The following ENTREP1 variants were observed in gnomAD, a reference collection of about 807,000 sequenced individuals.
The protein encoded by ENTREP1 is endosomal transmembrane epsin interactor 1, also known as Friedreich ataxia region gene X123.
chr9:69,325,321 C>T, the ENTREP1 span: 3 of 1,169,894 alleles, frequency 2.6e-6, no homozygotes, highest in Non-Finnish European at 3.2e-6. Flanking sequence ...TGTCCCTGCC[C>T]GTGGTGCTCC....
At chr9:69,377,657 T>C in the ENTREP1 span, 14 of 1,613,974 alleles carry the variant, frequency 8.7e-6, no homozygotes, top group South Asian at 1.5e-4. Flanking sequence ...CATGGACGCA[T>C]CCCCGACCCT....
chr9:69,331,283 T>A, the ENTREP1 span, among the ~76,000 whole-genome samples: 1 of 152,228 alleles, frequency 6.6e-6, no homozygotes, highest in African/African-American at 2.4e-5. Context: ...TTTGCCCTAA[T>A]ACAAGTTAAT....
the ENTREP1 span, chr9:69,383,617 T>A: frequency 6.2e-7 from 1 of 1,613,894 alleles, no homozygotes; most frequent in Non-Finnish European, 8.5e-7. Context: ...TGACGCCAAG[T>A]CGCTTTTCCT....
chr9:69,377,593 G>A, the ENTREP1 span: 7 of 1,613,176 alleles, frequency 4.3e-6, no homozygotes, highest in Non-Finnish European at 5.9e-6. Context: ...TTGACTAACT[G>A]AGCTGCTGTT....
At chr9:69,386,218 T>G in the ENTREP1 span, 1 of 273,052 alleles carries the variant, frequency 3.7e-6, no homozygotes, top group African/African-American at 2.2e-5. Context: ...TGCTAGGTAC[T>G]ACATGAAGAC....
chr9:69,387,828 C>A, the ENTREP1 span: 1 of 1,170,036 alleles, frequency 8.5e-7, no homozygotes, highest in Non-Finnish European at 1.1e-6. Context: ...TTGGCCCATC[C>A]ATCCCCATCT....
At chr9:69,365,896 A>T in the ENTREP1 span, among the ~76,000 whole-genome samples, 2 of 152,142 alleles carry the variant, frequency 1.3e-5, no homozygotes, top group African/African-American at 4.8e-5. Flanking sequence ...TTCAATGTGT[A>T]TATATACCAT....
At chr9:69,332,117 C>T in the ENTREP1 span, among the ~76,000 whole-genome samples, 11 of 152,326 alleles carry the variant, frequency 7.2e-5, no homozygotes, top group African/African-American at 2.4e-4. Context: ...GTTCCCATTA[C>T]CATTCGAGAG....
the ENTREP1 span, chr9:69,385,825 A>G: frequency 1.3e-5 from 21 of 1,597,110 alleles, no homozygotes; most frequent in South Asian, 2.0e-4. Context: ...CCTGCCGAAG[A>G]AAATGCATCC....
At chr9:69,327,988 A>T in the ENTREP1 span, among the ~76,000 whole-genome samples, 1 of 152,310 alleles carries the variant, frequency 6.6e-6, no homozygotes, top group Non-Finnish European at 1.5e-5. Flanking sequence ...GCTTTAGGGG[A>T]AAAAAGCCTT....
the ENTREP1 span, among the ~76,000 whole-genome samples, chr9:69,353,358 C>G: frequency 6.6e-6 from 1 of 152,202 alleles, no homozygotes; most frequent in African/African-American, 2.4e-5. Flanking sequence ...ACAATTAACT[C>G]TGATGTGCCC....
chr9:69,351,865 C>T, the ENTREP1 span, among the ~76,000 whole-genome samples: 1 of 152,050 alleles, frequency 6.6e-6, no homozygotes, highest in East Asian at 1.9e-4. Flanking sequence ...AATGTATTTT[C>T]TTAATTTTTA....
the ENTREP1 span, chr9:69,383,211 A>T: frequency 1.4e-6 from 1 of 729,130 alleles, no homozygotes; most frequent in Non-Finnish European, 1.7e-6. Context: ...TATATGATTC[A>T]GTAGCATTTA....
the ENTREP1 span, among the ~76,000 whole-genome samples, chr9:69,350,643 T>C: frequency 6.6e-6 from 1 of 152,236 alleles, no homozygotes; most frequent in Non-Finnish European, 1.5e-5. Flanking sequence ...TCTCAAGTAA[T>C]AATTTTCAGA....
At chr9:69,387,805 A>G in the ENTREP1 span, 1 of 979,398 alleles carries the variant, frequency 1.0e-6, no homozygotes, top group Non-Finnish European at 1.4e-6. Context: ...TTGGTCAGCC[A>G]CATTTTTCCT....
the ENTREP1 span, chr9:69,388,279 A>AGATT: frequency 6.2e-7 from 1 of 1,614,180 alleles, no homozygotes; most frequent in Non-Finnish European, 8.5e-7. Context: ...GGTCTTTGAT[A>AGATT]GATTACAAAT....
chr9:69,358,133 G>A, the ENTREP1 span, among the ~76,000 whole-genome samples: 119 of 152,224 alleles, frequency 7.8e-4, no homozygotes, highest in African/African-American at 2.7e-3. Flanking sequence ...GAATTCTAAG[G>A]AACAGGTATT....
At chr9:69,391,504 A>G in the ENTREP1 span, 8 of 968,946 alleles carry the variant, frequency 8.3e-6, no homozygotes, top group East Asian at 1.7e-4. Context: ...CAAAGCAATT[A>G]CACATTAAGA....
the ENTREP1 span, among the ~76,000 whole-genome samples, chr9:69,327,259 C>T: frequency 5.3e-5 from 8 of 152,122 alleles, no homozygotes; most frequent in South Asian, 2.1e-4. Context: ...CCTGTGGGCT[C>T]TGCCACTGGC....
Sources: gnomAD v4.1 joint callset for allele counts (sites outside exome capture counted in the v4.1 genomes callset) on GRCh38, gnomAD v4.1.1 for gene constraint, MANE v1.5 for transcripts, NCBI Gene and HGNC (gene_info 2026-07-23, HGNC 2026-07-21) for gene names.